SORL1: variants seen among roughly 807,000 people sequenced by gnomAD.
SORL1 encodes the protein sortilin related receptor 1.
SORL1 carries 127 observed loss-of-function variants against 273.7 expected under a neutral mutation model. That is an observed-to-expected ratio of 0.46 (90% CI 0.40 to 0.54). SORL1 has a LOEUF of 0.54. Ranked by LOEUF, SORL1 falls within the 20% of genes least tolerant of loss-of-function variation. The pLI is 0.00. For missense variants in SORL1, 2,494 were observed against 2,846.1 expected (o/e 0.88, Z 2.81); for synonymous variants, 1,031 against 1,067.4 (o/e 0.97, Z 0.66).
Position 121,629,901 on chromosome 11 carries a change from A to G in SORL1, c.*338A>G, listed in dbSNP as rs1863850805. The G allele has an allele frequency of 2.6e-5, 7 of 266,690 alleles. No homozygotes were observed. The allele number at this position is 266,690 out of a possible 1,614,324, so 16.5% of individuals were successfully genotyped here. A position where few individuals can be genotyped will look rare whatever the true frequency, so the allele number is the denominator to read the frequency against. Reference sequence around the variant, plus strand: ...CTTTTTATTTTTCTAAGACACAGAAATGTATTTAATAAAAACCTCGAGAGA... The same window carrying G: ...CTTTTTATTTTTCTAAGACACAGAAGTGTATTTAATAAAAACCTCGAGAGA... On this transcript the variant is annotated 3_prime_UTR_variant, in exon 48 of 48. Transcript: ENST00000260197.
chr11:121,524,552 G>A (rs910344070), intron 11 of SORL1, among the ~76,000 whole-genome samples: 1 of 152,216 alleles, frequency 6.6e-6, no homozygotes. Flanking sequence ...CTTCACTTTA[G>A]AGGGACAATC....
intron 13 of SORL1, among the ~76,000 whole-genome samples, 159 bp from the exon 14 acceptor site, chr11:121,545,084 T>A (rs1862405394): frequency 6.6e-6 from 1 of 152,230 alleles, no homozygotes; most frequent in Non-Finnish European, 1.5e-5. Context: ...GGCATAGGGC[T>A]GCCCAGCTTC....
chr11:121,458,272 G>A (rs912661596), intron 1 of SORL1, among the ~76,000 whole-genome samples: 2 of 152,200 alleles, frequency 1.3e-5, no homozygotes, highest in African/African-American at 4.8e-5. Flanking sequence ...TGGCCTAAAT[G>A]TATTCAGGGA....
chr11:121,531,948 G>A (rs887440390), intron 11 of SORL1, among the ~76,000 whole-genome samples: 5 of 152,182 alleles, frequency 3.3e-5, no homozygotes, highest in African/African-American at 1.2e-4. Flanking sequence ...AGCTTTACCA[G>A]GATATTCATG....
chr11:121,458,247 G>C (rs1860938692), intron 1 of SORL1, among the ~76,000 whole-genome samples: 1 of 152,188 alleles, frequency 6.6e-6, no homozygotes, highest in Non-Finnish European at 1.5e-5. Context: ...TTGATCTATT[G>C]ATAAGGGAAA....
chr11:121,621,095 G>A lies in SORL1; in HGVS notation c.5921G>A (p.Arg1974Lys), dbSNP rs1863717250. 2 of 1,612,708 alleles carry A rather than the reference G, an allele frequency of 1.2e-6. No homozygotes were observed. The highest frequency in any genetic ancestry group is 1.3e-5 in the African/African-American group (1 of 74,954). ...GCAGTTGCAGTCAAAGATCTCATAA[G>A]AAAGACTGACAGGAGCTACAAAGTA... Reference protein sequence around the residue: ...LYAVAVKDLIRKTDRSYKVKS... With the variant: ...LYAVAVKDLIKKTDRSYKVKS... The change falls in exon 44 of 48, where the codon AGA becomes AAA. Residue 1974 changes from arginine (R) to lysine (K), a missense_variant. Arg to Lys is a conservative substitution (Grantham distance 26). Coordinates refer to ENST00000260197, the MANE Select transcript of SORL1 (RefSeq NM_003105.6).
rs978088241 is a variant in SORL1, at chr11:121,588,055, A to G, written c.3850A>G (p.Lys1284Glu). The part of the protein sequence containing the change: ...LCTHFMDFVC[K>E]NRQQCLFHSM... Reference sequence around the variant, plus strand: ...TACGCACTTCATGGACTTTGTGTGTAAGAACCGCCAGCAGTGCCTGTTCCA... The same window carrying G: ...TACGCACTTCATGGACTTTGTGTGTGAGAACCGCCAGCAGTGCCTGTTCCA... The change falls in exon 28 of 48, where the codon AAG becomes GAG. Residue 1284 changes from lysine to glutamate, a missense_variant. Around this residue, in one of 3 missense-constraint regions of SORL1, gnomAD observed 1,609 missense variants for 1,816.4 expected, o/e 0.89. Transcript: ENST00000260197. 1.2e-6 allele frequency: 2 copies of G among 1,613,760 alleles called. No homozygotes were observed. The highest frequency in any genetic ancestry group is 3.3e-5 in the Admixed American group (2 of 60,014).
intron 45 of SORL1, among the ~76,000 whole-genome samples, chr11:121,624,792 TGA>T: frequency 6.6e-6 from 1 of 152,232 alleles, no homozygotes. Flanking sequence ...AGCAAATCTC[TGA>T]GTGTGGCTTT....
At chr11:121,495,228 C>T (rs560447092) in intron 5 of SORL1, among the ~76,000 whole-genome samples, 58 of 152,210 alleles carry the variant, frequency 3.8e-4, no homozygotes, top group African/African-American at 1.2e-3. Context: ...TACAGGTGTA[C>T]GCCAGCATAC....
chr11:121,576,908 G>A (rs1862939244), intron 24 of SORL1: 2 of 1,535,586 alleles, frequency 1.3e-6, no homozygotes, highest in African/African-American at 2.7e-5. Flanking sequence ...GGAGTCCTCT[G>A]TTTCTTGAAA....
Position 121,522,927 on chromosome 11 carries a change from A to C in SORL1, c.1534A>C (p.Lys512Gln). 6.2e-7 allele frequency: 1 copy of C among 1,613,704 alleles called. No homozygotes were observed. Among genetic ancestry groups the C allele is most frequent in the Non-Finnish European group, 8.5e-7 (1 of 1,179,562 alleles). Reference sequence around the variant, plus strand: ...CTCTTGCATTTTAGGCTCAGTGGGAAAGAACTTGGCTAGCAAGACAAACGT... The same window carrying C: ...CTCTTGCATTTTAGGCTCAGTGGGACAGAACTTGGCTAGCAAGACAAACGT... Reference protein sequence around the residue: ...GLIIATGSVGKNLASKTNVYI... With the variant: ...GLIIATGSVGQNLASKTNVYI... The change falls in exon 11 of 48, where the codon AAG becomes CAG. Residue 512 changes from lysine to glutamine, a missense_variant. Coordinates refer to ENST00000260197, the MANE Select transcript of SORL1 (RefSeq NM_003105.6).
At position 121,497,066 on chromosome 11, in the gene SORL1, A is replaced by G. The variant is rs748164765; in HGVS notation, c.939+17A>G. The stretch of plus-strand genomic sequence containing the variant: ...AAGGTGGTGGTAAGTTGAATGTACT[A>G]AAGAATAAACTACTTTTGAGTTTCC... On this transcript the variant is annotated intron_variant, in intron 6 of 47. Transcript: ENST00000260197. The G allele has an allele frequency of 2.1e-5, 34 of 1,606,064 alleles. No homozygotes were observed. The highest frequency in any genetic ancestry group is 2.8e-5 in the Non-Finnish European group (33 of 1,175,794).
chr11:121,497,896 G>A (rs1019011822), intron 6 of SORL1, among the ~76,000 whole-genome samples: 4 of 152,168 alleles, frequency 2.6e-5, no homozygotes, highest in Admixed American at 6.5e-5. Context: ...GAAATCAGAC[G>A]TAATCTTTTC....
rs575348524 is a variant in SORL1, at chr11:121,545,488, G to A, written c.2051+59G>A. On this transcript the variant is annotated intron_variant, in intron 14 of 47. Transcript: ENST00000260197. ...GTGTTTTATTCACTCAGCAGTGTTG[G>A]GGGAAGAGATTAGGCATGGTCCCTT... The A allele has an allele frequency of 1.0e-3, 1,542 of 1,520,526 alleles. 4 individuals carry two copies. The highest frequency in any genetic ancestry group is 2.5e-3 in the South Asian group (220 of 88,014). 94.2% of individuals were successfully genotyped at this position (1,520,526 alleles called of 1,614,324 possible).
chr11:121,496,930 T>C lies in SORL1; in HGVS notation c.820T>C (p.Tyr274His), dbSNP rs1861640527. ...CATTGAACGACATGAACCCTCTGGC[T>C]ACTCCACTGTCTTCCGAAGTACAGA... is the stretch of plus-strand genomic sequence containing the variant. ...IYIERHEPSG[Y>H]STVFRSTDFF... Residue 274 changes from tyrosine (Y) to histidine (H), a missense_variant, in exon 6 of 48, where the codon TAC (tyrosine) becomes CAC (histidine). Transcript: ENST00000260197. The C allele has an allele frequency of 6.2e-6, 10 of 1,613,974 alleles. No homozygotes were observed. Among genetic ancestry groups the C allele is most frequent in the Non-Finnish European group, 8.5e-6 (10 of 1,179,908 alleles).
chr11:121,586,470 A>G (rs1863111532), intron 27 of SORL1, 141 bp downstream of exon 27: 2 of 699,898 alleles, frequency 2.9e-6, no homozygotes, highest in South Asian at 1.6e-5. Flanking sequence ...GTACTTGGCT[A>G]GGACTCCTGG....
intron 3 of SORL1, among the ~76,000 whole-genome samples, chr11:121,480,482 G>A (rs901724379): frequency 3.3e-5 from 5 of 152,028 alleles, no homozygotes; most frequent in African/African-American, 1.2e-4. Flanking sequence ...TCACTCTTGC[G>A]GAGGTTGTGG....
chr11:121,627,362 T>G lies in SORL1; in HGVS notation c.6365-193T>G. 1.7e-6 allele frequency: 1 copy of G among 603,426 alleles called. No homozygotes were observed. The highest frequency in any genetic ancestry group is 2.0e-5 in the South Asian group (1 of 51,278). 37.4% of individuals were successfully genotyped at this position (603,426 alleles called of 1,614,324 possible). On this transcript the variant is annotated intron_variant, in intron 46 of 47. Transcript: ENST00000260197. The surrounding 1 kb of genome is among the most constrained non-coding windows in gnomAD (Gnocchi z 4.9). The stretch of plus-strand genomic sequence containing the variant: ...ATATTTGCATGCACAAGGCCCTTGG[T>G]CTATCAGCTCATGGCAAGTAGTGGG...
intron 6 of SORL1, among the ~76,000 whole-genome samples, chr11:121,509,557 A>G (rs1197719320): frequency 6.6e-6 from 1 of 151,918 alleles, no homozygotes; most frequent in African/African-American, 2.4e-5. Flanking sequence ...GCTCACCGCA[A>G]CCTCCGCCTC....
Sources: allele counts gnomAD v4.1 joint callset (sites outside exome capture counted in the v4.1 genomes callset), GRCh38; gene constraint gnomAD v4.1.1; regional missense constraint gnomAD v4.1.1; non-coding constraint Gnocchi (gnomAD v3.1); transcripts MANE v1.5; gene names NCBI Gene and HGNC (gene_info 2026-07-23, HGNC 2026-07-21).